NAA35: variants seen among roughly 807,000 people sequenced by gnomAD.
NAA35 encodes N-alpha-acetyltransferase 35, NatC auxiliary subunit.
Under a neutral mutation model 101.7 loss-of-function variants are expected in NAA35, and 18 were observed. The observed-to-expected ratio is 0.18, with a 90% CI of 0.12 to 0.26. The LOEUF (loss-of-function observed/expected upper bound fraction) is 0.26, where lower values mean the gene tolerates loss of function less well. Among genes scored for constraint, NAA35 ranks in the 10% least tolerant of loss-of-function variants. The pLI is 1.00. For missense variants in NAA35, 601 were observed against 886.8 expected (o/e 0.68, Z 4.09); for synonymous variants, 267 against 273.1 (o/e 0.98, Z 0.22).
intron 10 of NAA35, 129 bp from the exon 11 acceptor site, chr9:85,978,138 A>G (rs964439652): frequency 9.5e-6 from 6 of 632,604 alleles, no homozygotes; most frequent in East Asian, 5.4e-5. Context: ...TATTAAGTGC[A>G]TAGTTTATGA....
intron 11 of NAA35, among the ~76,000 whole-genome samples, chr9:85,991,276 AG>A (rs1830899758): frequency 6.6e-6 from 1 of 152,070 alleles, no homozygotes; most frequent in Non-Finnish European, 1.5e-5. Context: ...CTGGCAGAGT[AG>A]GGTGGTGAAA....
chr9:86,016,745 C>G, intron 18 of NAA35, 70 bp downstream of exon 18: 1 of 1,493,642 alleles, frequency 6.7e-7, no homozygotes, highest in Non-Finnish European at 9.1e-7. Context: ...AGATGGAGAG[C>G]TACTCGTGAG....
rs1053792999 is a variant in NAA35, at chr9:86,013,461, T to A, written c.1390-258T>A. Among the ~76,000 whole-genome samples, 5 of 152,336 alleles carry A rather than the reference T, an allele frequency of 3.3e-5. No individual in the cohort carries two copies. The East Asian group carries it at 9.6e-4, about 29-fold the overall frequency. On this transcript the variant is annotated intron_variant, in intron 16 of 22. Transcript: ENST00000361671. The stretch of plus-strand genomic sequence containing the variant: ...AGTTAATTTGTGTGCAGCAGCAATA[T>A]TGATAAGACCTGAAGTGTATTTGTA...
rs189532971 is a variant in NAA35, at chr9:86,005,946, T to G, written c.1117-1412T>G. On this transcript the variant is annotated intron_variant, in intron 13 of 22. Coordinates refer to ENST00000361671, the MANE Select transcript of NAA35 (RefSeq NM_024635.4). ...CCAGCACTTTGGGAGGCGGAGGTGGTTGGATCACGAGGTCAGAAGTTCAAG... is the reference window on the plus strand; with the variant it reads ...CCAGCACTTTGGGAGGCGGAGGTGGGTGGATCACGAGGTCAGAAGTTCAAG... Among the ~76,000 whole-genome samples the G allele has an allele frequency of 2.9e-3, 435 of 150,536 alleles. 5 individuals are homozygous for G. The South Asian group carries it at 0.033, about 12-fold the overall frequency.
At chr9:85,983,700 A>C (rs1214580656) in intron 11 of NAA35, among the ~76,000 whole-genome samples, 1 of 152,112 alleles carries the variant, frequency 6.6e-6, no homozygotes, top group Non-Finnish European at 1.5e-5. Context: ...TAGCATTCAG[A>C]GAGATACCTA....
At chr9:85,993,976 T>A (rs1041292826) in intron 11 of NAA35, among the ~76,000 whole-genome samples, 3 of 135,438 alleles carry the variant, frequency 2.2e-5, no homozygotes, top group African/African-American at 9.1e-5. Flanking sequence ...ACCCGGCTAA[T>A]TTTTTTTTTT....
At chr9:86,018,997 G>C (rs1002730157) in intron 21 of NAA35, among the ~76,000 whole-genome samples, 176 bp downstream of exon 21, 1 of 152,184 alleles carries the variant, frequency 6.6e-6, no homozygotes. Context: ...CAGACTTCAA[G>C]TTATTTTAAG....
intron 2 of NAA35, among the ~76,000 whole-genome samples, chr9:85,944,833 A>C (rs1026410299): frequency 6.6e-6 from 1 of 152,160 alleles, no homozygotes; most frequent in Non-Finnish European, 1.5e-5. Flanking sequence ...CAGCTGTACA[A>C]ATTTTTATCC....
At chr9:85,965,531 G>C (rs56156620) in intron 6 of NAA35, among the ~76,000 whole-genome samples, 1 of 152,136 alleles carries the variant, frequency 6.6e-6, no homozygotes, top group East Asian at 1.9e-4. Context: ...GAGAGGCTGA[G>C]GTTGGAGGAT....
At chr9:85,970,270 A>G (rs1829949050) in intron 6 of NAA35, among the ~76,000 whole-genome samples, 3 of 152,238 alleles carry the variant, frequency 2.0e-5, no homozygotes, top group African/African-American at 4.8e-5. Flanking sequence ...TATATCTAAA[A>G]TATTAATGTT....
At chr9:85,961,863 G>T (rs1361551943) in intron 5 of NAA35, 150 bp from the exon 6 acceptor site, 3 of 535,108 alleles carry the variant, frequency 5.6e-6, no homozygotes, top group Non-Finnish European at 9.4e-6. Context: ...GTTAGTCAAT[G>T]AAAGTGAATT....
intron 12 of NAA35, among the ~76,000 whole-genome samples, chr9:85,997,949 C>G (rs1831244237): frequency 6.6e-6 from 1 of 152,098 alleles, no homozygotes; most frequent in South Asian, 2.1e-4. Flanking sequence ...GAGTCTCACT[C>G]TGTCGCCCAG....
intron 11 of NAA35, among the ~76,000 whole-genome samples, chr9:85,983,092 C>A (rs1452518874): frequency 1.3e-5 from 2 of 152,140 alleles, no homozygotes; most frequent in South Asian, 2.1e-4. Context: ...GAGTGACATT[C>A]CTGAACCTCA....
intron 6 of NAA35, among the ~76,000 whole-genome samples, chr9:85,965,085 TTTGATGGGAGTGTAAATTC>T (rs1404041767): frequency 1.3e-5 from 2 of 152,208 alleles, no homozygotes; most frequent in Non-Finnish European, 2.9e-5. Context: ...CTCATACTTT[TTTGATGGGAGTGTAAATTC>T]TTAACGACTT....
chr9:85,964,861 GT>G (rs1187600585), intron 6 of NAA35, among the ~76,000 whole-genome samples: 1 of 152,076 alleles, frequency 6.6e-6, no homozygotes, highest in Non-Finnish European at 1.5e-5. Context: ...TATGGTTACT[GT>G]TTTTTTCCCT....
At chr9:85,978,018 T>G (rs1432837420) in intron 10 of NAA35, among the ~76,000 whole-genome samples, 1 of 151,904 alleles carries the variant, frequency 6.6e-6, no homozygotes. Flanking sequence ...CTTTGGTTTT[T>G]ATTGTGAAAA....
intron 13 of NAA35, among the ~76,000 whole-genome samples, chr9:86,005,449 G>A (rs528435461): frequency 3.3e-5 from 5 of 152,258 alleles, no homozygotes; most frequent in African/African-American, 7.2e-5. Context: ...TGCCCACTTC[G>A]CTCTTACTGA....
chr9:85,941,539 C>T, intron 1 of NAA35: 1 of 985,626 alleles, frequency 1.0e-6, no homozygotes, highest in Non-Finnish European at 1.2e-6. Flanking sequence ...GCTTATGCGC[C>T]CAGTGGGACC....
intron 13 of NAA35, among the ~76,000 whole-genome samples, chr9:86,005,550 G>C (rs768624903): frequency 6.6e-6 from 1 of 152,186 alleles, no homozygotes; most frequent in Non-Finnish European, 1.5e-5. Context: ...TGTCTATTTA[G>C]AGATGACATC....
Sources: allele counts gnomAD v4.1 joint callset (sites outside exome capture counted in the v4.1 genomes callset), GRCh38; gene constraint gnomAD v4.1.1; transcripts MANE v1.5; gene names NCBI Gene and HGNC (gene_info 2026-07-23, HGNC 2026-07-21).